SLC24A3: variants seen among roughly 807,000 people sequenced by gnomAD.
SLC24A3 encodes the protein solute carrier family 24 member 3.
A neutral mutation model predicts 75.8 loss-of-function variants in SLC24A3; 28 were observed. The observed-to-expected ratio is 0.37, with a 90% confidence interval of 0.27 to 0.51. The LOEUF is 0.51. SLC24A3 is among the 20% of genes least tolerant of loss of function. The pLI is 0.94. For missense variants in SLC24A3, 663 were observed against 847.8 expected (o/e 0.78, Z 2.71); for synonymous variants, 372 against 334.1 (o/e 1.11, Z -1.24).
chr20:19,540,002 T>C (rs1233046419), intron 3 of SLC24A3, among the ~76,000 whole-genome samples: 1 of 152,130 alleles, frequency 6.6e-6, no homozygotes, highest in Non-Finnish European at 1.5e-5. Context: ...CCTTTCGGAA[T>C]TGTATGGCTT....
chr20:19,478,526 C>A (rs1987999183), intron 2 of SLC24A3, among the ~76,000 whole-genome samples: 1 of 152,124 alleles, frequency 6.6e-6, no homozygotes, highest in South Asian at 2.1e-4. Context: ...AACCACAGCC[C>A]CCCATCCATT....
intron 1 of SLC24A3, among the ~76,000 whole-genome samples, chr20:19,215,027 CT>C (rs1033974433): frequency 6.6e-6 from 1 of 152,024 alleles, no homozygotes; most frequent in African/African-American, 2.4e-5. Flanking sequence ...TCTCCAATCA[CT>C]TTTTTTTCCG....
At chr20:19,704,576 C>T (rs2032907447) in intron 15 of SLC24A3, among the ~76,000 whole-genome samples, 1 of 152,106 alleles carries the variant, frequency 6.6e-6, no homozygotes, top group Non-Finnish European at 1.5e-5. Flanking sequence ...CTTCAGAGGA[C>T]ATCTGCCTTA....
intron 12 of SLC24A3, among the ~76,000 whole-genome samples, chr20:19,690,855 C>T (rs1171843083): frequency 6.6e-6 from 1 of 152,198 alleles, no homozygotes; most frequent in East Asian, 1.9e-4. Context: ...TAGGAAAACA[C>T]TTCTCTTTTC....
chr20:19,334,141 G>A (rs1029996630), intron 2 of SLC24A3, among the ~76,000 whole-genome samples: 3 of 152,024 alleles, frequency 2.0e-5, no homozygotes, highest in African/African-American at 4.8e-5. Context: ...ATGGGTGGTC[G>A]TTGTCTCCGT....
intron 2 of SLC24A3, among the ~76,000 whole-genome samples, chr20:19,413,498 T>G (rs1986779451): frequency 6.6e-6 from 1 of 152,162 alleles, no homozygotes; most frequent in African/African-American, 2.4e-5. Flanking sequence ...GCCCCGTTCT[T>G]TAAAGGAGAC....
At chr20:19,574,678 A>G (rs1365283754) in intron 3 of SLC24A3, among the ~76,000 whole-genome samples, 2 of 152,334 alleles carry the variant, frequency 1.3e-5, no homozygotes, top group East Asian at 3.9e-4. Context: ...ATGGCAGTGC[A>G]TGAGGGGCTG....
intron 3 of SLC24A3, among the ~76,000 whole-genome samples, chr20:19,543,740 G>A (rs2030541024): frequency 6.6e-6 from 1 of 152,198 alleles, no homozygotes; most frequent in African/African-American, 2.4e-5. Flanking sequence ...TATACTGGTT[G>A]AATTGCTAAA....
intron 2 of SLC24A3, among the ~76,000 whole-genome samples, chr20:19,440,686 T>G (rs921404215): frequency 6.9e-6 from 1 of 145,696 alleles, no homozygotes. Context: ...ATTTATTTAG[T>G]AGAATGAATG....
At chr20:19,663,319 T>C (rs920669524) in intron 7 of SLC24A3, among the ~76,000 whole-genome samples, 1 of 147,428 alleles carries the variant, frequency 6.8e-6, no homozygotes, top group African/African-American at 2.5e-5. Flanking sequence ...CTCCACACAG[T>C]CCTCTCAAAG....
At chr20:19,263,071 G>GTGT (rs773584624) in intron 1 of SLC24A3, among the ~76,000 whole-genome samples, 1 of 146,500 alleles carries the variant, frequency 6.8e-6, no homozygotes, top group Non-Finnish European at 1.5e-5. Context: ...GTGTGTGTGT[G>GTGT]TTTTCTGTTG....
At chr20:19,393,987 T>TGTA (rs1434148457) in intron 2 of SLC24A3, among the ~76,000 whole-genome samples, 1 of 152,150 alleles carries the variant, frequency 6.6e-6, no homozygotes, top group Non-Finnish European at 1.5e-5. Context: ...ATCAAAACAG[T>TGTA]GTAGTACTTG....
intron 1 of SLC24A3, among the ~76,000 whole-genome samples, chr20:19,247,040 G>A (rs1303018855): frequency 6.6e-6 from 1 of 152,168 alleles, no homozygotes; most frequent in East Asian, 1.9e-4. Flanking sequence ...TAAAAGGAAA[G>A]TAAAAGCATT....
chr20:19,690,235 TAAAG>T (rs1185635508), intron 12 of SLC24A3, among the ~76,000 whole-genome samples: 3 of 152,162 alleles, frequency 2.0e-5, no homozygotes, highest in Admixed American at 6.5e-5. Context: ...GGCAATAACT[TAAAG>T]AAAGCATATA....
intron 6 of SLC24A3, among the ~76,000 whole-genome samples, chr20:19,603,376 C>G (rs1252884644): frequency 6.6e-6 from 1 of 152,162 alleles, no homozygotes; most frequent in Non-Finnish European, 1.5e-5. Flanking sequence ...TAATTTCTCT[C>G]CTTTTCCAAA....
At chr20:19,470,868 A>G (rs1987859074) in intron 2 of SLC24A3, among the ~76,000 whole-genome samples, 1 of 152,178 alleles carries the variant, frequency 6.6e-6, no homozygotes, top group Non-Finnish European at 1.5e-5. Context: ...AAACACACAC[A>G]ATAGCTGTAA....
At chr20:19,379,864 A>G (rs1986152063) in intron 2 of SLC24A3, among the ~76,000 whole-genome samples, 1 of 152,224 alleles carries the variant, frequency 6.6e-6, no homozygotes, top group Non-Finnish European at 1.5e-5. Context: ...TATTTGTTCT[A>G]TACGTATTCT....
At chr20:19,640,745 G>C (rs1000166072) in intron 6 of SLC24A3, among the ~76,000 whole-genome samples, 1 of 152,104 alleles carries the variant, frequency 6.6e-6, no homozygotes, top group Admixed American at 6.6e-5. Flanking sequence ...GCGAGAATCT[G>C]TTTCAGAAAT....
intron 6 of SLC24A3, among the ~76,000 whole-genome samples, chr20:19,652,600 A>G (rs954315021): frequency 1.3e-5 from 2 of 152,250 alleles, no homozygotes; most frequent in East Asian, 3.8e-4. Context: ...GCTTCACCTA[A>G]TAAGGCAAAA....
Sources: allele counts gnomAD v4.1 joint callset (sites outside exome capture counted in the v4.1 genomes callset), GRCh38; gene constraint gnomAD v4.1.1; transcripts MANE v1.5; gene names NCBI Gene and HGNC (gene_info 2026-07-23, HGNC 2026-07-21).